ZCCHC2: variants seen among roughly 807,000 people sequenced by gnomAD.
ZCCHC2 encodes zinc finger CCHC domain-containing protein 2.
Under a neutral mutation model 103.6 loss-of-function variants are expected in ZCCHC2, and 39 were observed. The observed-to-expected ratio is 0.38, with a 90% CI of 0.29 to 0.49. The LOEUF is 0.49. Ranked by LOEUF, ZCCHC2 falls within the 20% of genes least tolerant of loss-of-function variation. The probability of loss-of-function intolerance (pLI) is 0.96; values close to 1 mark genes in which losing one functional copy is unlikely to be tolerated. For missense variants in ZCCHC2, 1,483 were observed against 1,491.0 expected (o/e 0.99, Z 0.09); for synonymous variants, 687 against 608.9 (o/e 1.13, Z -1.89).
At chr18:62,584,905 TC>T (rs1348525138) in exon 15 of ZCCHC2, 2 of 152,298 alleles carry the variant, frequency 1.3e-5, no homozygotes, top group African/African-American at 4.8e-5. Flanking sequence ...TGGCACCACT[TC>T]CTGCCCCCAC....
At chr18:62,542,373 G>A in intron 2 of ZCCHC2, 125 bp from the exon 3 acceptor site, 1 of 635,150 alleles carries the variant, frequency 1.6e-6, no homozygotes, top group East Asian at 2.8e-5. Context: ...TTTAAGACCA[G>A]TCATAAAGAT....
rs1379224409 is a variant in ZCCHC2 at position 62,523,638 on chromosome 18, G to C, written c.214G>C (p.Ala72Pro). The C allele has an allele frequency of 5.5e-6, 7 of 1,278,816 alleles. No homozygotes were observed. The African/African-American group carries it at 7.8e-5, about 14-fold the overall frequency. The allele number at this position is 1,278,816 out of a possible 1,614,324, so 79.2% of individuals were successfully genotyped here. A position where few individuals can be genotyped will look rare whatever the true frequency, so the allele number is the denominator to read the frequency against. ...GCCCCGGGGACTCGGGCCGCCTGTTGCTGGTGGAGCGGCGGCGGGGGCGGG... is the reference window on the plus strand; with the variant it reads ...GCCCCGGGGACTCGGGCCGCCTGTTCCTGGTGGAGCGGCGGCGGGGGCGGG... ...PPPRGLGPPV[A>P]GGAAAGAGMP... The change falls in exon 1 of 14, where the codon GCT becomes CCT. Residue 72 changes from alanine to proline, a missense_variant. Transcript: ENST00000269499.
In ZCCHC2 at chr18:62,574,647, A is replaced by G. The variant is rs1916738092; in HGVS notation, c.2566A>G (p.Ser856Gly). ...CTTTATTCCTATCCATAACCCAGGT[A>G]GTTTCCCAGGCTCTCCTGTTGCTAC... is the stretch of plus-strand genomic sequence containing the variant. Reference protein sequence around the residue: ...TAFIPIHNPGSFPGSPVATTD... With the variant: ...TAFIPIHNPGGFPGSPVATTD... The change falls in exon 13 of 14, where the codon AGT (serine) becomes GGT (glycine). Residue 856 changes from serine (S) to glycine (G), a missense_variant. Ser to Gly is a moderately conservative substitution (Grantham distance 56, BLOSUM62 0). This residue lies in a region of ZCCHC2 where 884 missense variants were observed against 907.5 expected (regional missense o/e 0.97). Coordinates refer to ENST00000269499, the MANE Select transcript of ZCCHC2 (RefSeq NM_017742.6). The G allele has an allele frequency of 6.2e-7, 1 of 1,614,062 alleles. No homozygotes were observed. Among genetic ancestry groups the G allele is most frequent in the Non-Finnish European group, 8.5e-7 (1 of 1,179,902 alleles).
chr18:62,585,512 T>C (rs1213499949), exon 15 of ZCCHC2: 1 of 152,286 alleles, frequency 6.6e-6, no homozygotes, highest in Admixed American at 6.5e-5. Context: ...GCCTGGCAGT[T>C]ACTGAGTGCT....
At chr18:62,551,309 C>T (rs1468601815) in intron 5 of ZCCHC2, 1 of 152,148 alleles carries the variant, frequency 6.6e-6, no homozygotes, top group African/African-American at 2.4e-5. Flanking sequence ...GATTGAAGAT[C>T]AATAAATTAT....
At chr18:62,532,106 T>C (rs1914705176) in intron 1 of ZCCHC2, among the ~76,000 whole-genome samples, 1 of 152,232 alleles carries the variant, frequency 6.6e-6, no homozygotes, top group African/African-American at 2.4e-5. Context: ...TGGGAGCCAG[T>C]GAAGGGGTGT....
At chr18:62,564,893 C>T in intron 10 of ZCCHC2, 109 bp from the exon 11 acceptor site, 2 of 815,504 alleles carry the variant, frequency 2.5e-6, no homozygotes, top group Non-Finnish European at 3.8e-6. Flanking sequence ...TAGATTATTC[C>T]TTACTAAAAA....
chr18:62,535,633 T>C (rs918657258), intron 1 of ZCCHC2, among the ~76,000 whole-genome samples: 5 of 152,188 alleles, frequency 3.3e-5, no homozygotes, highest in Admixed American at 1.3e-4. Flanking sequence ...ATGTCTCATG[T>C]GGTGTCTCAG....
intron 5 of ZCCHC2, among the ~76,000 whole-genome samples, chr18:62,553,886 G>A (rs1915771938): frequency 6.6e-6 from 1 of 152,138 alleles, no homozygotes; most frequent in Non-Finnish European, 1.5e-5. Flanking sequence ...AAAGAGCCCT[G>A]CTTGCGATTA....
In ZCCHC2 at chr18:62,539,704, C is replaced by T. The variant is rs779425077; in HGVS notation, c.963C>T (p.Tyr321=). The stretch of plus-strand genomic sequence containing the variant: ...AGAACAACTCTGCTCATGGTGATTA[C>T]ATGCAAAATAACGAGAGCAGCTTAA... The part of the protein sequence containing the change: ...RAQNNSAHGD[Y]MQNNESSLIE... The change falls in exon 2 of 14, where the codon TAC becomes TAT. Residue 321 remains tyrosine, a synonymous_variant. Transcript: ENST00000269499. The T allele has an allele frequency of 3.8e-6, 6 of 1,597,550 alleles. No homozygotes were observed. The African/African-American group carries it at 8.0e-5, about 21-fold the overall frequency.
chr18:62,539,895 T>A, intron 2 of ZCCHC2, 103 bp downstream of exon 2: 1 of 918,890 alleles, frequency 1.1e-6, no homozygotes, highest in Non-Finnish European at 1.7e-6. Flanking sequence ...CTTTTTGAAG[T>A]GGAGAAGTCC....
chr18:62,542,528 G>A lies in ZCCHC2; in HGVS notation c.1082G>A (p.Gly361Glu). ...CACATTGAGAAGATAATGTTGAAAGGAGTCCAGAGAAAAAGAGCTGACAAA... is the reference window on the plus strand; with the variant it reads ...CACATTGAGAAGATAATGTTGAAAGAAGTCCAGAGAAAAAGAGCTGACAAA... ...AVHIEKIMLK[G>E]VQRKRADKYW... The change falls in exon 3 of 14, where the codon GGA becomes GAA. Residue 361 changes from glycine to glutamate, a missense_variant. By Grantham distance (98) the Gly-to-Glu change is moderately conservative. Around this residue, in one of 3 missense-constraint regions of ZCCHC2, gnomAD observed 568 missense variants for 525.1 expected, o/e 1.08. Transcript: ENST00000269499. 6.4e-7 allele frequency: 1 copy of A among 1,564,900 alleles called. No homozygotes were observed. Among genetic ancestry groups the A allele is most frequent in the Non-Finnish European group, 8.7e-7 (1 of 1,153,326 alleles).
At chr18:62,538,221 G>A (rs1270266712) in intron 1 of ZCCHC2, among the ~76,000 whole-genome samples, 1 of 147,402 alleles carries the variant, frequency 6.8e-6, no homozygotes, top group South Asian at 2.1e-4. Flanking sequence ...TGATCATGCC[G>A]GTGTACTTCA....
rs1884678158 is a variant in ZCCHC2, at chr18:62,543,468, C to T, written c.1128+894C>T. 2.0e-5 allele frequency among the ~76,000 whole-genome samples: 3 copies of T among 152,156 alleles called. No individual in the cohort carries two copies. The South Asian group carries it at 6.2e-4, about 31-fold the overall frequency. ...TTAAGGGAGAAAGATCCTCAGTTTGCAGAATTTCAGCCCTCATCTCCTGGT... is the reference window on the plus strand; with the variant it reads ...TTAAGGGAGAAAGATCCTCAGTTTGTAGAATTTCAGCCCTCATCTCCTGGT... On this transcript the variant is annotated intron_variant, in intron 3 of 13. Transcript: ENST00000269499.
chr18:62,563,185 T>C (rs754986624), intron 9 of ZCCHC2, 41 bp downstream of exon 9: 8 of 1,577,148 alleles, frequency 5.1e-6, no homozygotes, highest in Non-Finnish European at 6.9e-6. Context: ...AGTTAAAGCA[T>C]TGCTCCTCTA....
chr18:62,524,100 G>T lies in ZCCHC2; in HGVS notation c.676G>T (p.Asp226Tyr). ...GAEDERGEDG[D>Y]GEQDAEKDGS... ...GGAGGACGAGCGCGGCGAGGACGGC[G>T]ACGGCGAGCAGGACGCCGAGAAGGA... The change falls in exon 1 of 14, where the codon GAC becomes TAC. Residue 226 changes from aspartate to tyrosine, a missense_variant. By Grantham distance (160) the Asp-to-Tyr change is radical. Coordinates refer to ENST00000269499, the MANE Select transcript of ZCCHC2 (RefSeq NM_017742.6). The T allele has an allele frequency of 6.6e-7, 1 of 1,520,420 alleles. No homozygotes were observed. Among genetic ancestry groups the T allele is most frequent in the Non-Finnish European group, 8.8e-7 (1 of 1,139,336 alleles). 94.2% of individuals were successfully genotyped at this position (1,520,420 alleles called of 1,614,324 possible).
intron 6 of ZCCHC2, among the ~76,000 whole-genome samples, chr18:62,557,090 A>G (rs1446435436): frequency 1.3e-5 from 2 of 152,194 alleles, no homozygotes; most frequent in African/African-American, 4.8e-5. Context: ...TTTAAGGCCC[A>G]GCTGAAACAT....
chr18:62,538,728 A>G (rs1230472144), intron 1 of ZCCHC2, among the ~76,000 whole-genome samples: 1 of 152,198 alleles, frequency 6.6e-6, no homozygotes, highest in Non-Finnish European at 1.5e-5. Flanking sequence ...AGAGCAATTC[A>G]TACTTACTGT....
At chr18:62,552,446 C>T (rs1915705194) in intron 5 of ZCCHC2, 1 of 152,178 alleles carries the variant, frequency 6.6e-6, no homozygotes, top group African/African-American at 2.4e-5. Context: ...GAAATACTCA[C>T]TGATGTCTTC....
Sources: allele counts gnomAD v4.1 joint callset (sites outside exome capture counted in the v4.1 genomes callset), GRCh38; gene constraint gnomAD v4.1.1; regional missense constraint gnomAD v4.1.1; transcripts MANE v1.5; gene names NCBI Gene and HGNC (gene_info 2026-07-23, HGNC 2026-07-21).